Variants in PMS2 observed in about 807,000 individuals in gnomAD.
The protein encoded by PMS2 is PMS1 homolog 2, mismatch repair system component, also known as mismatch repair endonuclease PMS2.
Under a neutral mutation model 90.0 loss-of-function variants are expected in PMS2, and 69 were observed. The observed-to-expected ratio is 0.77, with a 90% CI of 0.63 to 0.94. PMS2 has a LOEUF of 0.94. PMS2 is among the 40% of genes least tolerant of loss of function. PMS2 has a pLI of 0.00. For synonymous variants in PMS2, 332 were observed against 375.1 expected (o/e 0.89, Z 1.33); for missense variants, 966 against 1,040.2 (o/e 0.93, Z 0.98).
In PMS2 at chr7:5,987,628, A is replaced by C. The variant is rs1554298100; in HGVS notation, c.1145-8T>G. ...GCATTTTTATTAAGTTACCTAAGCA[A>C]ACGTGGACGGAGAAGAGGGTCAGGG... is the stretch of plus-strand genomic sequence containing the variant. On this transcript the variant is annotated splice_region_variant and splice_polypyrimidine_tract_variant and intron_variant, in intron 10 of 14. Transcript: ENST00000265849. 3 of 1,569,346 alleles carry C rather than the reference A, an allele frequency of 1.9e-6. No homozygotes were observed. Among genetic ancestry groups the C allele is most frequent in the Non-Finnish European group, 2.6e-6 (3 of 1,145,302 alleles).
intron 11 of PMS2, among the ~76,000 whole-genome samples, chr7:5,986,222 C>G (rs1274864374): frequency 6.7e-6 from 1 of 148,766 alleles, no homozygotes; most frequent in African/African-American, 2.4e-5. Flanking sequence ...GCCGGAATTA[C>G]AACTGCGCAC....
At chr7:5,986,231 A>G (rs931034803) in intron 11 of PMS2, among the ~76,000 whole-genome samples, 2 of 149,490 alleles carry the variant, frequency 1.3e-5, no homozygotes, top group African/African-American at 4.9e-5. Context: ...ACAACTGCGC[A>G]CTACCGCGCC....
At chr7:5,988,878 C>T (rs1307182391) in intron 10 of PMS2, among the ~76,000 whole-genome samples, 4 of 151,962 alleles carry the variant, frequency 2.6e-5, no homozygotes, top group East Asian at 1.9e-4. Context: ...TTTTTTGAGA[C>T]GGAGTCTCGC....
intron 10 of PMS2, among the ~76,000 whole-genome samples, chr7:5,987,915 TGTG>T (rs1444465808): frequency 2.0e-5 from 3 of 151,592 alleles, no homozygotes; most frequent in Non-Finnish European, 4.4e-5. Flanking sequence ...ATTAGCCGGG[TGTG>T]GTGGCATATC....
chr7:5,983,352 G>T (rs1190025236), intron 11 of PMS2, among the ~76,000 whole-genome samples: 1 of 151,320 alleles, frequency 6.6e-6, no homozygotes, highest in Non-Finnish European at 1.5e-5. Context: ...CTCATGATCT[G>T]CCCGCCTTGG....
chr7:6,004,262 T>TAA, intron 2 of PMS2: 2 of 473,852 alleles, frequency 4.2e-6, no homozygotes. Flanking sequence ...TAGCTTTTTC[T>TAA]TTCTTTCCTC....
intron 7 of PMS2, among the ~76,000 whole-genome samples, 188 bp downstream of exon 7, chr7:5,997,138 C>G (rs1784494548): frequency 6.6e-6 from 1 of 151,214 alleles, no homozygotes; most frequent in South Asian, 2.1e-4. Flanking sequence ...TGCTTGAACT[C>G]AGGAGGTAGA....
intron 8 of PMS2, 28 bp downstream of exon 8, chr7:5,995,506 C>T (rs369174936): frequency 1.4e-6 from 2 of 1,467,402 alleles, no homozygotes; most frequent in African/African-American, 1.4e-5. Flanking sequence ...GCATAAAGAA[C>T]AAACTAACAC....
chr7:5,981,503 C>T (rs1018696445), intron 12 of PMS2, among the ~76,000 whole-genome samples: 2 of 149,864 alleles, frequency 1.3e-5, no homozygotes, highest in Non-Finnish European at 3.0e-5. Flanking sequence ...GCCTCAGCCT[C>T]CCAAAGCTCT....
chr7:5,984,919 C>T (rs539001551), intron 11 of PMS2, among the ~76,000 whole-genome samples: 1 of 152,042 alleles, frequency 6.6e-6, no homozygotes, highest in East Asian at 1.9e-4. Flanking sequence ...GAGACCTCCA[C>T]ATGGCATGGA....
intron 7 of PMS2, among the ~76,000 whole-genome samples, chr7:5,996,519 C>T (rs888287232): frequency 6.8e-6 from 1 of 146,486 alleles, no homozygotes; most frequent in African/African-American, 2.5e-5. Flanking sequence ...TTGCAGTGAG[C>T]CAAGATCACG....
At position 5,987,233 on chromosome 7, in the gene PMS2, G is replaced by A. The variant is rs74902811; in HGVS notation, c.1532C>T (p.Thr511Met). 8,488 of 1,614,052 alleles carry A rather than the reference G, an allele frequency of 5.3e-3. 283 individuals carry two copies. The African/African-American group carries it at 0.081, about 15-fold the overall frequency. ...ATACTCGCTGCTGCAGTGACTGCCCGTGTCTGGGATGCTGAACCCCTCAGA... is the reference window on the plus strand; with the variant it reads ...ATACTCGCTGCTGCAGTGACTGCCCATGTCTGGGATGCTGAACCCCTCAGA... ...VDSEGFSIPDTGSHCSSEYAA... is the reference protein window; with the variant it reads ...VDSEGFSIPDMGSHCSSEYAA... Residue 511 changes from threonine (T) to methionine (M), a missense_variant, in exon 11 of 15, where the codon ACG becomes ATG. By Grantham distance (81) the Thr-to-Met change is moderately conservative. Coordinates refer to ENST00000265849, the MANE Select transcript of PMS2 (RefSeq NM_000535.7).
At chr7:5,998,360 G>A (rs76993112) in intron 6 of PMS2, among the ~76,000 whole-genome samples, 8,221 of 149,074 alleles carry the variant, frequency 0.055, 542 homozygotes, top group East Asian at 0.35. Context: ...GATTACAGAC[G>A]TGAGCCACTG....
chr7:5,990,872 A>C (rs1783660114), intron 9 of PMS2, among the ~76,000 whole-genome samples: 2 of 152,090 alleles, frequency 1.3e-5, no homozygotes, highest in Admixed American at 6.6e-5. Flanking sequence ...AAAATTAGTC[A>C]GGCATGGTGG....
At chr7:6,004,429 A>C (rs1583412410) in intron 2 of PMS2, 1 of 203,184 alleles carries the variant, frequency 4.9e-6, no homozygotes, top group Non-Finnish European at 1.0e-5. Context: ...AATAAAGAGA[A>C]CGGGGACCGG....
intron 10 of PMS2, among the ~76,000 whole-genome samples, chr7:5,988,826 TTAAAC>T (rs1169196974): frequency 2.6e-5 from 4 of 152,128 alleles, no homozygotes; most frequent in South Asian, 2.1e-4. Context: ...TAAAAACAGA[TTAAAC>T]TATACCGTTT....
chr7:5,995,503 GAACA>G, intron 8 of PMS2, 27 bp downstream of exon 8: 2 of 1,425,930 alleles, frequency 1.4e-6, no homozygotes, highest in South Asian at 1.1e-5. Context: ...AAGGCATAAA[GAACA>G]AACTAACACA....
intron 8 of PMS2, 116 bp from the exon 9 acceptor site, chr7:5,992,173 GT>G (rs373566669): frequency 0.12 from 59,858 of 491,648 alleles, no homozygotes; most frequent in Middle Eastern, 0.17. Context: ...ATACTTTTTT[GT>G]TTTTTTTTTT....
chr7:5,992,341 C>T (rs976912225), intron 8 of PMS2, among the ~76,000 whole-genome samples: 3 of 146,386 alleles, frequency 2.0e-5, no homozygotes, highest in African/African-American at 5.0e-5. Context: ...TTTTTTTCAA[C>T]GGAGTCTCGC....
Sources: allele counts gnomAD v4.1 joint callset (sites outside exome capture counted in the v4.1 genomes callset), GRCh38; gene constraint gnomAD v4.1.1; transcripts MANE v1.5; gene names NCBI Gene and HGNC (gene_info 2026-07-23, HGNC 2026-07-21).